SRPRA: variants seen among roughly 807,000 people sequenced by gnomAD.
SRPRA encodes the protein signal recognition particle receptor subunit alpha.
SRPRA carries 30 observed loss-of-function variants against 61.1 expected under a neutral mutation model. The ratio of observed to expected loss-of-function variants is 0.49; its 90% confidence interval spans 0.37 to 0.67. The LOEUF is 0.67. Among genes scored for constraint, SRPRA ranks in the 30% least tolerant of loss-of-function variants. SRPRA has a pLI of 0.00. For missense variants in SRPRA, 759 were observed against 828.4 expected, an observed-to-expected ratio of 0.92 and a Z score of 1.03; for synonymous variants, 324 against 299.7, an observed-to-expected ratio of 1.08 and a Z score of -0.84.
In SRPRA at chr11:126,264,629, C is replaced by G; in HGVS notation, c.1526-90G>C. 3 of 1,460,396 alleles carry G rather than the reference C, an allele frequency of 2.1e-6. No homozygotes were observed. In the South Asian group the frequency reaches 3.8e-5, roughly 18 times the overall value. The allele number at this position is 1,460,396 out of a possible 1,614,324, so 90.5% of individuals were successfully genotyped here. A position where few individuals can be genotyped will look rare whatever the true frequency, so the allele number is the denominator to read the frequency against. On this transcript the variant is annotated intron_variant, in intron 11 of 13. Coordinates refer to ENST00000332118, the MANE Select transcript of SRPRA (RefSeq NM_003139.4). The surrounding 1 kb of genome is among the most constrained non-coding windows in gnomAD (Gnocchi z 5.0). Reference sequence around the variant, plus strand: ...TCTCAAAAAGTCCTAGTTTGACTACCTGTTCACTGTCTTGGGCTCTGGATT... The same window carrying G: ...TCTCAAAAAGTCCTAGTTTGACTACGTGTTCACTGTCTTGGGCTCTGGATT...
In SRPRA at chr11:126,267,827, G is replaced by C; in HGVS notation, c.202-115C>G. On this transcript the variant is annotated intron_variant, in intron 2 of 13. Transcript: ENST00000332118. This position sits in a 1 kb window ranked among gnomAD's most constrained non-coding sequence, Gnocchi z 4.2. Reference sequence around the variant, plus strand: ...GTTCAGCTACCTGGCCGGTTTCCCTGTCCTGAGAGGCAGCCAAGCTCCCTG... The same window carrying C: ...GTTCAGCTACCTGGCCGGTTTCCCTCTCCTGAGAGGCAGCCAAGCTCCCTG... The C allele has an allele frequency of 1.4e-6, 2 of 1,480,930 alleles. No individual in the cohort carries two copies. The highest frequency in any genetic ancestry group is 1.8e-6 in the Non-Finnish European group (2 of 1,082,436). The allele number at this position is 1,480,930 out of a possible 1,614,324, so 91.7% of individuals were successfully genotyped here. A position where few individuals can be genotyped will look rare whatever the true frequency, so the allele number is the denominator to read the frequency against.
Position 126,264,281 on chromosome 11 carries a change from G to C in SRPRA, c.1698C>G (p.Phe566Leu), listed in dbSNP as rs1950761126. The stretch of plus-strand genomic sequence containing the variant: ...TAGAATGGTCAGCCAAGGCTCTGTT[G>C]AACTTGACCTGGAAAGAAAAAGTGA... ...GNEAVDQLVK[F>L]NRALADHSMA... The change falls in exon 13 of 14, where the codon TTC becomes TTG. Residue 566 changes from phenylalanine (F) to leucine (L), a missense_variant. By Grantham distance (22) the Phe-to-Leu change is conservative. This residue lies in a region of SRPRA where 284 missense variants were observed against 365.9 expected (regional missense o/e 0.78). Transcript: ENST00000332118. The surrounding 1 kb of genome is among the most constrained non-coding windows in gnomAD (Gnocchi z 5.0). 1 of 1,613,722 alleles carries C rather than the reference G, an allele frequency of 6.2e-7. No homozygotes were observed. Among genetic ancestry groups the C allele is most frequent in the Non-Finnish European group, 8.5e-7 (1 of 1,179,878 alleles).
chr11:126,254,857 G>C, the SRPRA span, among the ~76,000 whole-genome samples: 1 of 152,082 alleles, frequency 6.6e-6, no homozygotes. Flanking sequence ...AAAGTCAGAC[G>C]TTCTTCCTGT....
chr11:126,250,838 GA>G, the SRPRA span: 2 of 870,696 alleles, frequency 2.3e-6, no homozygotes. The surrounding 1 kb of genome is among the most constrained non-coding windows in gnomAD (Gnocchi z 5.1). Context: ...AGCTAGAAAG[GA>G]AAAATTTTTT....
At chr11:126,249,737 A>G in the SRPRA span, among the ~76,000 whole-genome samples, 3 of 145,296 alleles carry the variant, frequency 2.1e-5, no homozygotes, top group Non-Finnish European at 4.6e-5. Flanking sequence ...GTCTCAAAAA[A>G]AAAAAAAAAA....
chr11:126,257,712 G>A, the SRPRA span, among the ~76,000 whole-genome samples: 4 of 149,612 alleles, frequency 2.7e-5, no homozygotes, highest in East Asian at 7.9e-4. Context: ...TTTCTGTATT[G>A]GCATTTTCTA....
chr11:126,266,870 A>G lies in SRPRA; in HGVS notation c.579T>C (p.Gly193=), dbSNP rs1332170441. 6.2e-7 allele frequency: 1 copy of G among 1,614,192 alleles called. No homozygotes were observed. The highest frequency in any genetic ancestry group is 1.7e-5 in the Admixed American group (1 of 60,026). The change falls in exon 5 of 14, where the codon GGT becomes GGC. Residue 193 remains glycine (G), a synonymous_variant. Coordinates refer to ENST00000332118, the MANE Select transcript of SRPRA (RefSeq NM_003139.4). ...CTCCGTTCTCAGGACCCACTGGAAG[A>G]CCTGACTTTTCTGCAGGGACTGGTT... ...TSKPVPAEKS[G]LPVGPENGVE...
rs1472945091 is a variant in SRPRA, at chr11:126,263,594, A to T, written c.*322T>A. On this transcript the variant is annotated 3_prime_UTR_variant, in exon 14 of 14. Transcript: ENST00000332118. ...GCTCTTGACCACACTAATTATTAGC[A>T]AAGCTCTGGTGTTGGGTTCCAACCA... is the stretch of plus-strand genomic sequence containing the variant. 2 of 263,594 alleles carry T rather than the reference A, an allele frequency of 7.6e-6. No individual in the cohort carries two copies. 16.3% of individuals were successfully genotyped at this position (263,594 alleles called of 1,614,324 possible). A position where few individuals can be genotyped will look rare whatever the true frequency, so the allele number is the denominator to read the frequency against.
the SRPRA span, among the ~76,000 whole-genome samples, chr11:126,237,887 A>G: frequency 4.0e-5 from 6 of 150,456 alleles, no homozygotes; most frequent in East Asian, 9.8e-4. Context: ...AAGAAAAAAT[A>G]TATGTGAGGA....
chr11:126,237,003 G>C, the SRPRA span, among the ~76,000 whole-genome samples: 1 of 139,968 alleles, frequency 7.1e-6, no homozygotes, highest in Non-Finnish European at 1.5e-5. Flanking sequence ...TGCAAGCTCT[G>C]CCTCCCGGGT....
At chr11:126,254,050 C>A in the SRPRA span, among the ~76,000 whole-genome samples, 1 of 152,218 alleles carries the variant, frequency 6.6e-6, no homozygotes, top group Non-Finnish European at 1.5e-5. Context: ...CCTGTTGTTT[C>A]TGCAAATTAT....
In SRPRA at chr11:126,266,917, C is replaced by T; in HGVS notation, c.532G>A (p.Asp178Asn). 1 of 1,613,134 alleles carries T rather than the reference C, an allele frequency of 6.2e-7. No homozygotes were observed. The highest frequency in any genetic ancestry group is 1.1e-5 in the South Asian group (1 of 91,032). Residue 178 changes from aspartate to asparagine, a missense_variant, in exon 5 of 14, where the codon GAT becomes AAT. Physicochemically the swap from Asp to Asn is conservative, Grantham distance 23. Around this residue, in one of 2 missense-constraint regions of SRPRA, gnomAD observed 475 missense variants for 462.5 expected, o/e 1.03. Coordinates refer to ENST00000332118, the MANE Select transcript of SRPRA (RefSeq NM_003139.4). The part of the protein sequence containing the change: ...KKKGAKKEGS[D>N]GPLATSKPVP... The stretch of plus-strand genomic sequence containing the variant: ...GGTTTGCTGGTAGCCAAAGGACCAT[C>T]AGAACCTGTTGGGGAAAAAACTCAC...
At chr11:126,256,083 CAACATGGCA>C in the SRPRA span, among the ~76,000 whole-genome samples, 1 of 152,208 alleles carries the variant, frequency 6.6e-6, no homozygotes, top group Admixed American at 6.5e-5. This position sits in a 1 kb window ranked among gnomAD's most constrained non-coding sequence, Gnocchi z 6.6. Context: ...CCAGCCTGGC[CAACATGGCA>C]AAACCCCGTC....
chr11:126,264,769 G>A lies in SRPRA; in HGVS notation c.1525+190C>T, dbSNP rs1950772922. ...ACCAAATTCAGGTTTCTCTGGTTAA[G>A]GTATATTAGCTTTGCCTGCAACTAC... On this transcript the variant is annotated intron_variant, in intron 11 of 13. Coordinates refer to ENST00000332118, the MANE Select transcript of SRPRA (RefSeq NM_003139.4). This position sits in a 1 kb window ranked among gnomAD's most constrained non-coding sequence, Gnocchi z 5.0. 2 of 756,888 alleles carry A rather than the reference G, an allele frequency of 2.6e-6. No individual in the cohort carries two copies. Among genetic ancestry groups the A allele is most frequent in the Admixed American group, 2.9e-5 (1 of 34,244 alleles). The allele number at this position is 756,888 out of a possible 1,614,324, so 46.9% of individuals were successfully genotyped here. A position where few individuals can be genotyped will look rare whatever the true frequency, so the allele number is the denominator to read the frequency against.
chr11:126,258,709 T>C (rs1950621038), downstream of SRPRA, among the ~76,000 whole-genome samples: 1 of 152,246 alleles, frequency 6.6e-6, no homozygotes, highest in African/African-American at 2.4e-5. Flanking sequence ...GCACATGTTG[T>C]TTTCATTAAC....
the SRPRA span, chr11:126,254,423 C>G: frequency 6.2e-7 from 1 of 1,614,174 alleles, no homozygotes; most frequent in Non-Finnish European, 8.5e-7. Context: ...CTCAGGAACA[C>G]TGAAGTCATG....
the SRPRA span, among the ~76,000 whole-genome samples, chr11:126,252,617 C>T: frequency 2.0e-5 from 3 of 152,082 alleles, no homozygotes; most frequent in Non-Finnish European, 2.9e-5. This position sits in a 1 kb window ranked among gnomAD's most constrained non-coding sequence, Gnocchi z 4.7. Flanking sequence ...GTGGTGTTTG[C>T]CTGTGGTCCC....
chr11:126,262,336 A>T, downstream of SRPRA: 185 of 449,634 alleles, frequency 4.1e-4, no homozygotes, highest in Non-Finnish European at 5.5e-4. Context: ...CGCCTGTTCA[A>T]GTTCAAGAAT....
chr11:126,243,083 G>A, the SRPRA span, among the ~76,000 whole-genome samples: 1 of 152,160 alleles, frequency 6.6e-6, no homozygotes, highest in Non-Finnish European at 1.5e-5. Context: ...AAAACATTAA[G>A]TAAAAGAAGC....
Sources: allele counts gnomAD v4.1 joint callset (sites outside exome capture counted in the v4.1 genomes callset), GRCh38; gene constraint gnomAD v4.1.1; regional missense constraint gnomAD v4.1.1; non-coding constraint Gnocchi (gnomAD v3.1); transcripts MANE v1.5; gene names NCBI Gene and HGNC (gene_info 2026-07-23, HGNC 2026-07-21).